PLEKHA6: variants seen among roughly 807,000 people sequenced by gnomAD.
PLEKHA6 encodes pleckstrin homology domain containing A6.
Under a neutral mutation model 116.7 loss-of-function variants are expected in PLEKHA6, and 60 were observed. The observed-to-expected ratio is 0.51, with a 90% confidence interval of 0.42 to 0.64. The LOEUF (loss-of-function observed/expected upper bound fraction) is 0.64. Among genes scored for constraint, PLEKHA6 ranks in the 30% least tolerant of loss-of-function variants. The pLI is 0.00. For synonymous variants in PLEKHA6, 489 were observed against 556.1 expected, an observed-to-expected ratio of 0.88 and a Z score of 1.70; for missense variants, 1,338 against 1,422.7, an observed-to-expected ratio of 0.94 and a Z score of 0.96.
rs895106397 is a variant in PLEKHA6, at chr1:204,238,830, C to T, written c.2409+2545G>A. The stretch of plus-strand genomic sequence containing the variant: ...ACTACAGCCCCTTTCTAGGACATCC[C>T]TGAAGAATAGCAGTGAAGGGAAATC... On this transcript the variant is annotated intron_variant, in intron 17 of 22. Coordinates refer to ENST00000272203, the MANE Select transcript of PLEKHA6 (RefSeq NM_014935.5). This position sits in a 1 kb window ranked among gnomAD's most constrained non-coding sequence, Gnocchi z 4.2. Among the ~76,000 whole-genome samples the T allele has an allele frequency of 2.6e-5, 4 of 152,214 alleles. No individual in the cohort carries two copies. Among genetic ancestry groups the T allele is most frequent in the African/African-American group, 4.8e-5 (2 of 41,458 alleles).
At chr1:204,375,734 G>C (rs552232764) in intron 1 of PLEKHA6, among the ~76,000 whole-genome samples, 1 of 151,672 alleles carries the variant, frequency 6.6e-6, no homozygotes, top group Non-Finnish European at 1.5e-5. Flanking sequence ...ATGGAGTCCC[G>C]ACCCCTTAGC....
chr1:204,290,287 T>C (rs1669611256), intron 1 of PLEKHA6, among the ~76,000 whole-genome samples: 1 of 152,234 alleles, frequency 6.6e-6, no homozygotes, highest in Admixed American at 6.5e-5. Context: ...AGACTTATTA[T>C]AAAGCTACAG....
chr1:204,296,067 G>GACCCA (rs1670251821), intron 1 of PLEKHA6, among the ~76,000 whole-genome samples: 1 of 152,186 alleles, frequency 6.6e-6, no homozygotes, highest in South Asian at 2.1e-4. Context: ...TCAGTGTCGT[G>GACCCA]GATGCAGCAA....
intron 1 of PLEKHA6, among the ~76,000 whole-genome samples, chr1:204,339,833 T>C (rs1672782798): frequency 6.6e-6 from 1 of 152,104 alleles, no homozygotes; most frequent in South Asian, 2.1e-4. Flanking sequence ...TATAAAATAA[T>C]ATTAAACAAA....
At chr1:204,313,447 G>T in intron 1 of PLEKHA6, 1 of 416,776 alleles carries the variant, frequency 2.4e-6, no homozygotes, top group Non-Finnish European at 3.2e-6. Context: ...TGGCCTCGGG[G>T]ACTCCCTGAA....
Position 204,325,018 on chromosome 1 carries a change from C to G in PLEKHA6, c.-95+34676G>C, listed in dbSNP as rs374673186. The stretch of plus-strand genomic sequence containing the variant: ...CTGCAAGCTCCACCTCCCAGGTTCA[C>G]GCCATTCTCCTGCCTCAGCCTCCCA... On this transcript the variant is annotated intron_variant, in intron 1 of 22. Coordinates refer to ENST00000272203, the MANE Select transcript of PLEKHA6 (RefSeq NM_014935.5). Among the ~76,000 whole-genome samples, 5 of 152,120 alleles carry G rather than the reference C, an allele frequency of 3.3e-5. No individual in the cohort carries two copies. The South Asian group carries it at 1.0e-3, about 32-fold the overall frequency.
At chr1:204,325,810 A>G (rs1231174790) in intron 1 of PLEKHA6, 1 of 626,824 alleles carries the variant, frequency 1.6e-6, no homozygotes, top group Non-Finnish European at 2.0e-6. Context: ...CCTGTCCCTA[A>G]GGTCACTTAG....
At chr1:204,299,278 G>C (rs189549852) in intron 1 of PLEKHA6, among the ~76,000 whole-genome samples, 1 of 152,212 alleles carries the variant, frequency 6.6e-6, no homozygotes, top group Non-Finnish European at 1.5e-5. Flanking sequence ...GGAAAGCACT[G>C]GGAATTTTGT....
chr1:204,290,913 C>T (rs2103026307), intron 1 of PLEKHA6, among the ~76,000 whole-genome samples: 1 of 148,720 alleles, frequency 6.7e-6, no homozygotes, highest in East Asian at 2.0e-4. Context: ...CACTTGAACC[C>T]AGGAGGGGGA....
chr1:204,376,289 C>T (rs1673869534), intron 1 of PLEKHA6, among the ~76,000 whole-genome samples: 1 of 152,180 alleles, frequency 6.6e-6, no homozygotes, highest in Non-Finnish European at 1.5e-5. Flanking sequence ...TAAGACCCTA[C>T]CCCAGATCCT....
In PLEKHA6 at chr1:204,238,653, C is replaced by T. The variant is rs534619313; in HGVS notation, c.2409+2722G>A. On this transcript the variant is annotated intron_variant, in intron 17 of 22. Transcript: ENST00000272203. This position sits in a 1 kb window ranked among gnomAD's most constrained non-coding sequence, Gnocchi z 4.2. ...GGCTCAAATGCCCATGGCCTCCACTCCTGCCACCATGCCTTCTCTCCCCTA... is the reference window on the plus strand; with the variant it reads ...GGCTCAAATGCCCATGGCCTCCACTTCTGCCACCATGCCTTCTCTCCCCTA... Among the ~76,000 whole-genome samples the T allele has an allele frequency of 6.6e-6, 1 of 152,330 alleles. No individual in the cohort carries two copies. The highest frequency in any genetic ancestry group is 2.4e-5 in the African/African-American group (1 of 41,574).
intron 21 of PLEKHA6, among the ~76,000 whole-genome samples, chr1:204,226,358 G>A (rs1418679503): frequency 6.6e-6 from 1 of 152,190 alleles, no homozygotes; most frequent in Non-Finnish European, 1.5e-5. Context: ...AGGCCGGGTG[G>A]GTTTTGTTTT....
At chr1:204,370,624 C>T (rs1673755858) in intron 2 of PLEKHA6, among the ~76,000 whole-genome samples, 1 of 152,216 alleles carries the variant, frequency 6.6e-6, no homozygotes, top group Non-Finnish European at 1.5e-5. Flanking sequence ...TTCCCACTAG[C>T]CCTGAGGGCT....
intron 1 of PLEKHA6, among the ~76,000 whole-genome samples, chr1:204,304,142 C>T (rs1671069435): frequency 6.6e-6 from 1 of 152,136 alleles, no homozygotes; most frequent in Admixed American, 6.5e-5. Context: ...AAATCCAATC[C>T]ACAGATCTCC....
intron 3 of PLEKHA6, among the ~76,000 whole-genome samples, chr1:204,367,159 A>C (rs1364976121): frequency 6.6e-6 from 1 of 151,912 alleles, no homozygotes; most frequent in Non-Finnish European, 1.5e-5. Context: ...CCCCAGCCCA[A>C]AGAGCTCTGT....
intron 1 of PLEKHA6, among the ~76,000 whole-genome samples, chr1:204,276,604 A>G (rs923616897): frequency 6.7e-6 from 1 of 148,802 alleles, no homozygotes; most frequent in Admixed American, 6.7e-5. Flanking sequence ...CCCAATGGTA[A>G]CTGCTGGAAT....
intron 8 of PLEKHA6, among the ~76,000 whole-genome samples, chr1:204,258,544 C>G (rs780572911): frequency 8.5e-5 from 13 of 152,332 alleles, no homozygotes; most frequent in African/African-American, 3.1e-4. Context: ...ACCAGCAATG[C>G]GCAGCCGCTC....
intron 1 of PLEKHA6, among the ~76,000 whole-genome samples, chr1:204,291,257 T>G: frequency 6.6e-6 from 1 of 152,170 alleles, no homozygotes; most frequent in East Asian, 1.9e-4. Context: ...TAGCTAAAAT[T>G]AAAAGACTAA....
At chr1:204,280,714 G>C (rs1263527109) in intron 1 of PLEKHA6, among the ~76,000 whole-genome samples, 1 of 152,166 alleles carries the variant, frequency 6.6e-6, no homozygotes, top group South Asian at 2.1e-4. Context: ...ACAGAGGAGG[G>C]GAAGGTGGGG....
Sources: gnomAD v4.1 joint callset for allele counts (sites outside exome capture counted in the v4.1 genomes callset) on GRCh38, gnomAD v4.1.1 for gene constraint, Gnocchi (gnomAD v3.1) non-coding constraint, MANE v1.5 for transcripts, NCBI Gene and HGNC (gene_info 2026-07-23, HGNC 2026-07-21) for gene names.